The following CD8B variants were observed in gnomAD, a reference collection of about 807,000 sequenced individuals.
CD8B encodes the protein CD8 subunit beta, also known as T-cell surface glycoprotein CD8 beta chain.
Under a neutral mutation model 24.2 loss-of-function variants are expected in CD8B, and 6 were observed. The ratio of observed to expected loss-of-function variants is 0.25; its 90% CI spans 0.14 to 0.49. The LOEUF is 0.49. Ranked by LOEUF, CD8B falls within the 20% of genes least tolerant of loss-of-function variation. CD8B has a pLI of 0.98. For missense variants in CD8B, 196 were observed against 271.3 expected (o/e 0.72, Z 1.95); for synonymous variants, 84 against 108.3 (o/e 0.78, Z 1.39).
chr2:86,837,805 AG>A (rs1323250696), downstream of CD8B, among the ~76,000 whole-genome samples: 269 of 35,898 alleles, frequency 7.5e-3, 1 homozygote, highest in African/African-American at 0.027. Flanking sequence ...GGGCGGGGGG[AG>A]GGGGGAACAC....
intron 2 of CD8B, among the ~76,000 whole-genome samples, chr2:86,857,457 G>T (rs138728945): frequency 0.016 from 2,390 of 152,228 alleles, 59 homozygotes; most frequent in African/African-American, 0.054. Context: ...GGTGGCTCAC[G>T]CCTGTAATCC....
downstream of CD8B, among the ~76,000 whole-genome samples, chr2:86,836,864 T>C (rs1454830953): frequency 1.3e-5 from 2 of 151,984 alleles, no homozygotes; most frequent in African/African-American, 4.8e-5. Context: ...CAATTAAAAA[T>C]GCATGAAAAG....
intron 5 of CD8B, among the ~76,000 whole-genome samples, chr2:86,817,221 C>T (rs1240492338): frequency 2.6e-5 from 4 of 152,088 alleles, no homozygotes; most frequent in Admixed American, 2.6e-4. Context: ...ATTGTTACAA[C>T]TGCAGTGGAG....
chr2:86,826,139 G>A (rs1229024482), intron 5 of CD8B, among the ~76,000 whole-genome samples: 2 of 152,010 alleles, frequency 1.3e-5, no homozygotes, highest in Non-Finnish European at 2.9e-5. Context: ...GTGGTCTTGT[G>A]GGGAGCTCTG....
intron 5 of CD8B, among the ~76,000 whole-genome samples, chr2:86,829,095 CTT>C (rs746569858): frequency 0.014 from 1,124 of 82,894 alleles, 14 homozygotes; most frequent in African/African-American, 0.046. Context: ...ATGCTCTTTA[CTT>C]TTTTTTTTTT....
At chr2:86,854,619 C>G (rs1440736078) in intron 2 of CD8B, among the ~76,000 whole-genome samples, 1 of 152,038 alleles carries the variant, frequency 6.6e-6, no homozygotes, top group African/African-American at 2.4e-5. Flanking sequence ...GGGCCAGCAC[C>G]CAGAGCAAAG....
chr2:86,815,752 A>G (rs751005164), intron 5 of CD8B: 5 of 1,114,886 alleles, frequency 4.5e-6, no homozygotes, highest in East Asian at 2.3e-5. Context: ...GTCTCAATAC[A>G]TGCACCAAGT....
rs1334148144 is a variant in CD8B at position 86,845,016 on chromosome 2, C to A, written c.584-58G>T. The A allele has an allele frequency of 4.5e-6, 7 of 1,552,348 alleles. No homozygotes were observed. In the East Asian group the frequency reaches 1.2e-4, roughly 27 times the overall value. On this transcript the variant is annotated intron_variant, in intron 4 of 5. Coordinates refer to ENST00000390655, the MANE Select transcript of CD8B (RefSeq NM_004931.5). ...TGGGCTGTGGGTCACTGCGCTGAGC[C>A]CCAGAGGCCAAGGAGGATTGTCACA...
At position 86,838,383 on chromosome 2, in the gene CD8B, G is replaced by A. The variant is rs1675262798; in HGVS notation, c.*3924C>T. On this transcript the variant is annotated 3_prime_UTR_variant, in exon 6 of 6. Transcript: ENST00000390655. ...TTATTAGAGAAAAAAGATCAAATCT[G>A]CAGAACAATATTAGAAGATGTAATT... Among the ~76,000 whole-genome samples, 1 of 151,850 alleles carries A rather than the reference G, an allele frequency of 6.6e-6. No homozygotes were observed. The highest frequency in any genetic ancestry group is 1.5e-5 in the Non-Finnish European group (1 of 67,996).
chr2:86,858,525 C>T (rs1468963323), intron 1 of CD8B, 109 bp from the exon 2 acceptor site: 4 of 1,450,320 alleles, frequency 2.8e-6, no homozygotes, highest in Non-Finnish European at 3.6e-6. Flanking sequence ...AAGGACCTGC[C>T]CAGTTACTGG....
At chr2:86,856,258 G>T (rs1676243948) in intron 2 of CD8B, among the ~76,000 whole-genome samples, 1 of 152,176 alleles carries the variant, frequency 6.6e-6, no homozygotes, top group South Asian at 2.1e-4. Flanking sequence ...GATGGAGGCG[G>T]TGGGAAGCTC....
chr2:86,852,191 C>G (rs1261669006), intron 3 of CD8B, among the ~76,000 whole-genome samples: 2 of 152,150 alleles, frequency 1.3e-5, no homozygotes, highest in African/African-American at 4.8e-5. Flanking sequence ...GTCTCTAACT[C>G]CTGAGCTCAA....
At position 86,848,135 on chromosome 2, in the gene CD8B, A is replaced by G. The variant is rs191764190; in HGVS notation, c.494-1362T>C. Among the ~76,000 whole-genome samples the G allele has an allele frequency of 1.3e-3, 205 of 152,322 alleles. 1 individual carries two copies. Among genetic ancestry groups the G allele is most frequent in the Non-Finnish European group, 2.3e-3 (157 of 68,038 alleles). On this transcript the variant is annotated intron_variant, in intron 3 of 5. Coordinates refer to ENST00000390655, the MANE Select transcript of CD8B (RefSeq NM_004931.5). Reference sequence around the variant, plus strand: ...ACAAAGGCACCTTCCTGAGGTAAATACTGAGAACGGGAACTACTAAACCAC... The same window carrying G: ...ACAAAGGCACCTTCCTGAGGTAAATGCTGAGAACGGGAACTACTAAACCAC...
chr2:86,843,187 G>C (rs1236687622), intron 5 of CD8B, among the ~76,000 whole-genome samples: 2 of 152,146 alleles, frequency 1.3e-5, no homozygotes, highest in East Asian at 1.9e-4. Context: ...CTGCCTCCGG[G>C]GTTCAAGTGA....
At chr2:86,824,471 A>C (rs948698076) in intron 5 of CD8B, among the ~76,000 whole-genome samples, 5 of 152,228 alleles carry the variant, frequency 3.3e-5, no homozygotes, top group African/African-American at 4.8e-5. Context: ...CACGTGCTCC[A>C]GGCCAAAGAG....
At chr2:86,852,131 A>AT (rs547202932) in intron 3 of CD8B, among the ~76,000 whole-genome samples, 31 of 152,084 alleles carry the variant, frequency 2.0e-4, no homozygotes, top group South Asian at 1.5e-3. Context: ...CGCCCAGCTA[A>AT]TTTTTTTACA....
chr2:86,846,375 C>T (rs1360337328), intron 4 of CD8B, among the ~76,000 whole-genome samples: 1 of 152,060 alleles, frequency 6.6e-6, no homozygotes, highest in East Asian at 1.9e-4. Context: ...TTACAAACAG[C>T]AACTCTGGGA....
At chr2:86,834,242 GC>G (rs1288054359), downstream of CD8B, among the ~76,000 whole-genome samples, 14 of 152,000 alleles carry the variant, frequency 9.2e-5, no homozygotes, top group Middle Eastern at 3.2e-3. Flanking sequence ...GCTTATTCCA[GC>G]ATCAGCAACA....
chr2:86,833,879 G>A (rs1675058079), downstream of CD8B, among the ~76,000 whole-genome samples: 1 of 151,866 alleles, frequency 6.6e-6, no homozygotes, highest in South Asian at 2.1e-4. Flanking sequence ...TCAAACTCCT[G>A]ACCTCGTGAT....
Sources: allele counts gnomAD v4.1 joint callset (sites outside exome capture counted in the v4.1 genomes callset), GRCh38; gene constraint gnomAD v4.1.1; transcripts MANE v1.5; gene names NCBI Gene and HGNC (gene_info 2026-07-23, HGNC 2026-07-21).